Variants in GPHN observed in about 807,000 individuals in gnomAD.
GPHN encodes gephyrin.
Under a neutral mutation model 95.5 loss-of-function variants are expected in GPHN, and 17 were observed. The ratio of observed to expected loss-of-function variants is 0.18; its 90% CI spans 0.12 to 0.27. The LOEUF (loss-of-function observed/expected upper bound fraction) is 0.27, where lower values mean the gene tolerates loss of function less well. GPHN is among the 10% of genes least tolerant of loss of function. GPHN has a pLI of 1.00. For missense variants in GPHN, 660 were observed against 978.1 expected (o/e 0.67, Z 4.34); for synonymous variants, 320 against 322.5 (o/e 0.99, Z 0.08).
At chr14:67,569,964 C>G in the GPHN span, 2 of 1,609,930 alleles carry the variant, frequency 1.2e-6, no homozygotes, top group Admixed American at 3.4e-5. Context: ...CTTTCTCTGG[C>G]CTGGTCTACA....
intron 1 of GPHN, among the ~76,000 whole-genome samples, chr14:66,634,520 G>T (rs1345627926): frequency 6.6e-6 from 1 of 152,158 alleles, no homozygotes; most frequent in African/African-American, 2.4e-5. Flanking sequence ...AGTGGTGGTT[G>T]TGTGTCCTGG....
At chr14:67,124,547 T>C (rs2079189166) in intron 17 of GPHN, among the ~76,000 whole-genome samples, 1 of 152,198 alleles carries the variant, frequency 6.6e-6, no homozygotes, top group Non-Finnish European at 1.5e-5. Context: ...GATACAGCTT[T>C]TCCAAAGACC....
intron 1 of GPHN, among the ~76,000 whole-genome samples, chr14:66,539,002 G>C (rs1057504990): frequency 2.0e-5 from 3 of 152,082 alleles, no homozygotes; most frequent in African/African-American, 7.2e-5. Context: ...TGCAGTTTTA[G>C]TAAGATTTAG....
intron 2 of GPHN, among the ~76,000 whole-genome samples, chr14:66,765,410 A>AT (rs2058927135): frequency 6.6e-6 from 1 of 152,226 alleles, no homozygotes; most frequent in Non-Finnish European, 1.5e-5. Flanking sequence ...ACATGGAATC[A>AT]TTTAAATGCC....
At chr14:67,308,345 A>AT in the GPHN span, among the ~76,000 whole-genome samples, 3 of 131,220 alleles carry the variant, frequency 2.3e-5, no homozygotes, top group Non-Finnish European at 4.9e-5. Context: ...TTTCTCTTTG[A>AT]TTTTGAGGGC....
chr14:67,562,104 C>G, the GPHN span: 1 of 1,610,878 alleles, frequency 6.2e-7, no homozygotes, highest in Non-Finnish European at 8.5e-7. Context: ...GCTACGGGAG[C>G]TCTCAATGTG....
chr14:67,570,149 G>T, the GPHN span: 5 of 716,246 alleles, frequency 7.0e-6, no homozygotes, highest in Non-Finnish European at 2.3e-6. Context: ...CCCAGCACGT[G>T]TCATTTTGTT....
At chr14:67,457,416 CAAAG>C in the GPHN span, among the ~76,000 whole-genome samples, 1 of 152,140 alleles carries the variant, frequency 6.6e-6, no homozygotes, top group Admixed American at 6.6e-5. Flanking sequence ...CCTTGGGCAA[CAAAG>C]AGAGACCCTG....
intron 4 of GPHN, among the ~76,000 whole-genome samples, chr14:66,849,689 T>C (rs1344520170): frequency 6.6e-6 from 1 of 152,118 alleles, no homozygotes; most frequent in East Asian, 1.9e-4. Flanking sequence ...TTATTCAGTT[T>C]TGTTTCTCCT....
intron 1 of GPHN, among the ~76,000 whole-genome samples, chr14:66,523,839 C>T (rs922107669): frequency 6.6e-6 from 1 of 152,008 alleles, no homozygotes; most frequent in African/African-American, 2.4e-5. Context: ...GGTATCTGAC[C>T]TCAATCTTGG....
At chr14:67,714,871 C>T in the GPHN span, 1 of 152,344 alleles carries the variant, frequency 6.6e-6, no homozygotes, top group South Asian at 2.1e-4. Flanking sequence ...CAAACCTGTG[C>T]AAAGCTTCTG....
At chr14:67,593,782 G>A in the GPHN span, 1 of 1,613,120 alleles carries the variant, frequency 6.2e-7, no homozygotes, top group African/African-American at 1.3e-5. Flanking sequence ...CCTTGACCTT[G>A]CCCATTTCTA....
At chr14:67,317,602 T>C in the GPHN span, 2 of 591,484 alleles carry the variant, frequency 3.4e-6, no homozygotes, top group Non-Finnish European at 5.7e-6. Flanking sequence ...TATTTTCTTT[T>C]GGAATCCTGT....
At chr14:66,610,295 T>C (rs1185311004) in intron 1 of GPHN, among the ~76,000 whole-genome samples, 1 of 152,248 alleles carries the variant, frequency 6.6e-6, no homozygotes, top group East Asian at 1.9e-4. Context: ...TGTCGCTCTT[T>C]TGTATTTCAG....
chr14:66,973,062 T>C (rs930975653), intron 9 of GPHN, among the ~76,000 whole-genome samples: 4 of 152,220 alleles, frequency 2.6e-5, no homozygotes, highest in Non-Finnish European at 5.9e-5. Context: ...TAAAGAACCA[T>C]TGATAAAATC....
At chr14:66,760,440 C>T in intron 2 of GPHN, 1 of 171,072 alleles carries the variant, frequency 5.8e-6, no homozygotes. Context: ...GTCAAATTGT[C>T]ATATAATCTA....
intron 2 of GPHN, among the ~76,000 whole-genome samples, chr14:66,749,162 TC>T (rs1238516194): frequency 6.6e-6 from 1 of 151,964 alleles, no homozygotes; most frequent in African/African-American, 2.4e-5. Context: ...TTAAGTTTCC[TC>T]CATGTCTTTT....
intron 8 of GPHN, among the ~76,000 whole-genome samples, chr14:66,931,155 G>A (rs1029579256): frequency 2.0e-5 from 3 of 151,982 alleles, no homozygotes; most frequent in Non-Finnish European, 2.9e-5. Flanking sequence ...TTTTCCTTCA[G>A]CAGTTTAAAA....
chr14:67,644,990 T>C, the GPHN span, among the ~76,000 whole-genome samples: 1 of 140,746 alleles, frequency 7.1e-6, no homozygotes, highest in African/African-American at 2.7e-5. Flanking sequence ...AGAGCGAGAC[T>C]CCGTCTTAAA....
Sources: allele counts gnomAD v4.1 joint callset (sites outside exome capture counted in the v4.1 genomes callset), GRCh38; gene constraint gnomAD v4.1.1; transcripts MANE v1.5; gene names NCBI Gene and HGNC (gene_info 2026-07-23, HGNC 2026-07-21).